PRDM16: variants seen among roughly 807,000 people sequenced by gnomAD.
PRDM16 encodes the protein histone-lysine N-methyltransferase PRDM16.
In PRDM16, 23 loss-of-function variants were observed where a neutral mutation model predicts 110.6. That is an observed-to-expected ratio of 0.21 (90% CI 0.15 to 0.29). The LOEUF (loss-of-function observed/expected upper bound fraction) is 0.29, where lower values mean the gene tolerates loss of function less well. Ranked by LOEUF, PRDM16 falls within the 10% of genes least tolerant of loss-of-function variation. The pLI is 1.00. For missense variants in PRDM16, 1,615 were observed against 1,794.3 expected, an observed-to-expected ratio of 0.90 and a Z score of 1.81; for synonymous variants, 799 against 781.8, an observed-to-expected ratio of 1.02 and a Z score of -0.37.
chr1:3,171,145 C>T lies in PRDM16; in HGVS notation c.38-14980C>T, dbSNP rs138369349. The stretch of plus-strand genomic sequence containing the variant: ...TCTCTCCCTCTTGCGATTTTTATTT[C>T]GGGGCCACGTTTGTTTACTTGCGGC... On this transcript the variant is annotated intron_variant, in intron 1 of 16. Transcript: ENST00000270722. Among the ~76,000 whole-genome samples, 145 of 152,380 alleles carry T rather than the reference C, an allele frequency of 9.5e-4. 1 individual carries two copies. Among genetic ancestry groups the T allele is most frequent in the African/African-American group, 3.3e-3 (139 of 41,594 alleles).
At chr1:3,084,476 A>C (rs1426181071) in intron 1 of PRDM16, among the ~76,000 whole-genome samples, 3 of 152,166 alleles carry the variant, frequency 2.0e-5, no homozygotes, top group Non-Finnish European at 4.4e-5. Context: ...CCTGGGAGGC[A>C]CGGAATGCTG....
chr1:3,438,227 C>T lies in PRDM16; in HGVS notation c.*4416C>T, dbSNP rs903482408. On this transcript the variant is annotated 3_prime_UTR_variant, in exon 17 of 17. Transcript: ENST00000270722. ...ATGACTCCTGCTTAGCGGTCATTATCGTGTCTGTTGGTGAAATTTTTATTA... is the reference window on the plus strand; with the variant it reads ...ATGACTCCTGCTTAGCGGTCATTATTGTGTCTGTTGGTGAAATTTTTATTA... The T allele has an allele frequency of 9.9e-6, 2 of 202,364 alleles. No homozygotes were observed. The highest frequency in any genetic ancestry group is 1.9e-4 in the South Asian group (1 of 5,260). 12.5% of individuals were successfully genotyped at this position (202,364 alleles called of 1,614,324 possible).
chr1:3,329,143 C>A (rs962531625), intron 3 of PRDM16, among the ~76,000 whole-genome samples: 2 of 152,248 alleles, frequency 1.3e-5, no homozygotes, highest in African/African-American at 4.8e-5. Flanking sequence ...AGGGAAGGCA[C>A]CAACCACATC....
At chr1:3,309,946 T>A (rs1204379991) in intron 3 of PRDM16, 2 of 152,222 alleles carry the variant, frequency 1.3e-5, no homozygotes, top group East Asian at 3.9e-4. Flanking sequence ...AGCTCCAGGT[T>A]CACACAGGGG....
chr1:3,272,744 G>T lies in PRDM16; in HGVS notation c.438+28607G>T, dbSNP rs564678889. On this transcript the variant is annotated intron_variant, in intron 3 of 16. Coordinates refer to ENST00000270722, the MANE Select transcript of PRDM16 (RefSeq NM_022114.4). Reference sequence around the variant, plus strand: ...ACTCGGAGCTCTGCCTGAATGTGGGGTTGGGGGCCAGCCTTCCAGGCCTGG... The same window carrying T: ...ACTCGGAGCTCTGCCTGAATGTGGGTTTGGGGGCCAGCCTTCCAGGCCTGG... 1.1e-4 allele frequency among the ~76,000 whole-genome samples: 16 copies of T among 152,340 alleles called. No individual in the cohort carries two copies. In the South Asian group the frequency reaches 3.3e-3, roughly 32 times the overall value.
chr1:3,152,880 C>T (rs1427336476), intron 1 of PRDM16, among the ~76,000 whole-genome samples: 2 of 152,214 alleles, frequency 1.3e-5, no homozygotes, highest in Non-Finnish European at 2.9e-5. Flanking sequence ...TGCCTGCTTT[C>T]CTGCTGTGCC....
intron 3 of PRDM16, among the ~76,000 whole-genome samples, chr1:3,276,640 A>G (rs1455406354): frequency 1.1e-4 from 3 of 27,062 alleles, no homozygotes; most frequent in Non-Finnish European, 7.7e-5. Flanking sequence ...CCTTGGCAGC[A>G]TGTTCAGCTC....
chr1:3,346,939 C>T (rs2500258), intron 3 of PRDM16, among the ~76,000 whole-genome samples: 44,479 of 152,178 alleles, frequency 0.29, 6,967 homozygotes, highest in African/African-American at 0.36. Flanking sequence ...ATGAGGGACT[C>T]CAGGCAGGCC....
chr1:3,271,025 C>A (rs963316323), intron 3 of PRDM16, among the ~76,000 whole-genome samples: 1 of 152,138 alleles, frequency 6.6e-6, no homozygotes, highest in Non-Finnish European at 1.5e-5. Flanking sequence ...CAGAGGCAGA[C>A]CTTGGTGTCT....
At chr1:3,186,074 C>T (rs1644263491) in intron 1 of PRDM16, 51 bp from the exon 2 acceptor site, 1 of 1,488,668 alleles carries the variant, frequency 6.7e-7, no homozygotes, top group African/African-American at 1.4e-5. Flanking sequence ...GAGCTGTACA[C>T]ACTGGGTGGG....
chr1:3,393,860 C>T (rs1643338008), intron 4 of PRDM16, among the ~76,000 whole-genome samples: 1 of 152,188 alleles, frequency 6.6e-6, no homozygotes, highest in Non-Finnish European at 1.5e-5. Context: ...GCCCCCGCCC[C>T]GCCCCGCCTC....
chr1:3,076,921 A>G lies in PRDM16; in HGVS notation c.37+7625A>G, dbSNP rs115196750. ...TGGTGGGTGTTTTTGGGGGGGACAC[A>G]GGAAACTCCACAGAGCACACATCTC... On this transcript the variant is annotated intron_variant, in intron 1 of 16. Coordinates refer to ENST00000270722, the MANE Select transcript of PRDM16 (RefSeq NM_022114.4). Among the ~76,000 whole-genome samples the G allele has an allele frequency of 7.9e-3, 1,202 of 152,266 alleles. 8 individuals are homozygous for G. The highest frequency in any genetic ancestry group is 0.013 in the Non-Finnish European group (871 of 68,014).
chr1:3,252,541 C>T (rs1265907629), intron 3 of PRDM16, among the ~76,000 whole-genome samples: 1 of 152,142 alleles, frequency 6.6e-6, no homozygotes, highest in East Asian at 1.9e-4. Flanking sequence ...GTGGGCCCCT[C>T]GTGGAAGGTG....
At chr1:3,256,667 G>C (rs1336369560) in intron 3 of PRDM16, among the ~76,000 whole-genome samples, 1 of 152,072 alleles carries the variant, frequency 6.6e-6, no homozygotes, top group Non-Finnish European at 1.5e-5. Context: ...GACCATCCTG[G>C]CTAACACGGT....
At position 3,412,343 on chromosome 1, in the gene PRDM16, C is replaced by G. The variant is rs530296389; in HGVS notation, c.2146C>G (p.Leu716Val). The G allele has an allele frequency of 3.5e-5, 56 of 1,613,724 alleles. No individual in the cohort carries two copies. In the East Asian group the frequency reaches 1.2e-3, roughly 35 times the overall value. ...CTTCATGGGGATGCAGGAGAAGAAGCTGGGCTCGCTCCCCTACCACTCGGC... is the reference window on the plus strand; with the variant it reads ...CTTCATGGGGATGCAGGAGAAGAAGGTGGGCTCGCTCCCCTACCACTCGGC... ...PGFMGMQEKK[L>V]GSLPYHSAFP... Residue 716 changes from leucine (L) to valine (V), a missense_variant, in exon 9 of 17, where the codon CTG becomes GTG. Physicochemically the swap from Leu to Val is conservative, Grantham distance 32 (BLOSUM62 1). Transcript: ENST00000270722.
At chr1:3,233,552 G>A (rs1323699073) in intron 2 of PRDM16, among the ~76,000 whole-genome samples, 5 of 152,300 alleles carry the variant, frequency 3.3e-5, no homozygotes, top group East Asian at 3.9e-4. Flanking sequence ...AAACCATTCC[G>A]CCAGCATCCT....
rs151167116 is a variant in PRDM16 at position 3,407,100 on chromosome 1, G to A, written c.1186+1452G>A. On this transcript the variant is annotated intron_variant, in intron 8 of 16. Transcript: ENST00000270722. ...GAACCTTCCAGGCTCCGTTGCATCA[G>A]CCTGGAGAGGCGGGGTGCTGGGAGC... Among the ~76,000 whole-genome samples, 397 of 152,358 alleles carry A rather than the reference G, an allele frequency of 2.6e-3. 3 individuals are homozygous for A. The highest frequency in any genetic ancestry group is 9.1e-3 in the African/African-American group (378 of 41,584).
intron 1 of PRDM16, among the ~76,000 whole-genome samples, chr1:3,123,522 G>C (rs1643140816): frequency 6.6e-6 from 1 of 152,216 alleles, no homozygotes; most frequent in East Asian, 1.9e-4. Context: ...GCCCCACCTG[G>C]TTCACCCTTT....
At chr1:3,312,466 C>T (rs1355889191) in intron 3 of PRDM16, among the ~76,000 whole-genome samples, 1 of 152,216 alleles carries the variant, frequency 6.6e-6, no homozygotes, top group Non-Finnish European at 1.5e-5. Context: ...GCCCACCCGC[C>T]GGCTGCACCT....
Sources: gnomAD v4.1 joint callset for allele counts (sites outside exome capture counted in the v4.1 genomes callset) on GRCh38, gnomAD v4.1.1 for gene constraint, MANE v1.5 for transcripts, NCBI Gene and HGNC (gene_info 2026-07-23, HGNC 2026-07-21) for gene names.